MAGI2: variants seen among roughly 807,000 people sequenced by gnomAD.
The protein encoded by MAGI2 is membrane-associated guanylate kinase, WW and PDZ domain-containing protein 2.
A neutral mutation model predicts 133.3 loss-of-function variants in MAGI2; 35 were observed. The observed-to-expected ratio is 0.26, with a 90% CI of 0.20 to 0.35. The LOEUF (loss-of-function observed/expected upper bound fraction) is 0.35. Among genes scored for constraint, MAGI2 ranks in the 10% least tolerant of loss-of-function variants. The pLI is 1.00. For synonymous variants in MAGI2, 729 were observed against 710.6 expected, an observed-to-expected ratio of 1.03 and a Z score of -0.41; for missense variants, 1,636 against 1,863.4, an observed-to-expected ratio of 0.88 and a Z score of 2.25.
chr7:78,440,002 AT>A (rs1355822221), intron 6 of MAGI2, among the ~76,000 whole-genome samples: 9 of 151,858 alleles, frequency 5.9e-5, no homozygotes, highest in African/African-American at 1.9e-4. Flanking sequence ...ACGTATTTTT[AT>A]TTTTTTACTA....
intron 6 of MAGI2, chr7:78,486,174 G>C (rs1792982364): frequency 6.6e-6 from 1 of 152,084 alleles, no homozygotes; most frequent in Non-Finnish European, 1.5e-5. Flanking sequence ...ATAGATGTGA[G>C]AGATTTCAAA....
chr7:78,434,434 G>C lies in MAGI2; in HGVS notation c.1045+55327C>G, dbSNP rs540775653. On this transcript the variant is annotated intron_variant, in intron 6 of 21. Coordinates refer to ENST00000354212, the MANE Select transcript of MAGI2 (RefSeq NM_012301.4). ...GCTGGGATAACTTGCAACAGATAAA[G>C]AGATGGATGGAAACAGGGTAGGGGT... is the stretch of plus-strand genomic sequence containing the variant. 7.2e-5 allele frequency among the ~76,000 whole-genome samples: 11 copies of C among 152,320 alleles called. No individual in the cohort carries two copies. In the South Asian group the frequency reaches 1.7e-3, roughly 23 times the overall value.
At chr7:79,118,660 A>G (rs899659115) in intron 1 of MAGI2, among the ~76,000 whole-genome samples, 1 of 152,126 alleles carries the variant, frequency 6.6e-6, no homozygotes, top group African/African-American at 2.4e-5. Flanking sequence ...TTAAAATGAA[A>G]ATTCACTTTG....
chr7:78,776,354 T>C (rs1441828742), intron 2 of MAGI2, among the ~76,000 whole-genome samples: 2 of 152,212 alleles, frequency 1.3e-5, no homozygotes, highest in Non-Finnish European at 2.9e-5. Flanking sequence ...AAGCTACACT[T>C]ACTACTATTT....
intron 1 of MAGI2, among the ~76,000 whole-genome samples, chr7:79,231,398 C>A (rs1831363345): frequency 1.3e-5 from 1 of 74,722 alleles, no homozygotes; most frequent in Non-Finnish European, 3.4e-5. Context: ...TGGCCATTTT[C>A]ACGATATTGA....
intron 1 of MAGI2, among the ~76,000 whole-genome samples, chr7:79,202,385 G>C (rs7780216): frequency 0.074 from 11,247 of 151,770 alleles, 1,218 homozygotes; most frequent in African/African-American, 0.22. Context: ...CTAAGTATTT[G>C]TATAAACCTG....
At chr7:79,286,105 G>A (rs1203265854) in intron 1 of MAGI2, among the ~76,000 whole-genome samples, 1 of 152,010 alleles carries the variant, frequency 6.6e-6, no homozygotes, top group Admixed American at 6.6e-5. Flanking sequence ...GTAAGGAAAG[G>A]CTTCTAGAAG....
intron 6 of MAGI2, among the ~76,000 whole-genome samples, chr7:78,442,785 C>A (rs1020333778): frequency 1.3e-5 from 2 of 152,080 alleles, no homozygotes; most frequent in Non-Finnish European, 2.9e-5. Context: ...CATAACTGAG[C>A]ATTAAAACTA....
chr7:78,756,518 G>A (rs1040531088), intron 2 of MAGI2, among the ~76,000 whole-genome samples: 2 of 152,116 alleles, frequency 1.3e-5, no homozygotes, highest in African/African-American at 2.4e-5. Context: ...AGAATGAACC[G>A]ATTAGTGGGA....
intron 16 of MAGI2, among the ~76,000 whole-genome samples, chr7:78,154,973 T>G (rs1443441662): frequency 1.3e-5 from 2 of 152,194 alleles, no homozygotes; most frequent in Admixed American, 6.5e-5. Context: ...AACCTGTGCA[T>G]GCAGACCTCA....
chr7:78,923,430 G>A (rs1280843273), intron 2 of MAGI2, among the ~76,000 whole-genome samples: 1 of 152,098 alleles, frequency 6.6e-6, no homozygotes. Flanking sequence ...AGTTTTCCCA[G>A]CACCATTTAT....
chr7:78,428,999 G>T (rs1221939833), intron 6 of MAGI2, among the ~76,000 whole-genome samples: 1 of 152,128 alleles, frequency 6.6e-6, no homozygotes, highest in African/African-American at 2.4e-5. Flanking sequence ...AAAAGTTAGT[G>T]ACTAAAGTAC....
At chr7:78,660,965 A>G (rs985008712) in intron 2 of MAGI2, among the ~76,000 whole-genome samples, 1 of 152,132 alleles carries the variant, frequency 6.6e-6, no homozygotes, top group Non-Finnish European at 1.5e-5. Context: ...GGTTCTGAGA[A>G]TCTTGTTTCT....
intron 9 of MAGI2, among the ~76,000 whole-genome samples, chr7:78,280,568 T>C (rs1387459210): frequency 6.6e-6 from 1 of 152,156 alleles, no homozygotes; most frequent in Non-Finnish European, 1.5e-5. Context: ...ACATAGAATC[T>C]TGTTTAGTCC....
At chr7:78,830,498 A>G (rs530669882) in intron 2 of MAGI2, among the ~76,000 whole-genome samples, 67 of 152,124 alleles carry the variant, frequency 4.4e-4, no homozygotes, top group Non-Finnish European at 8.2e-4. Flanking sequence ...CATCCATTCT[A>G]TAATTTTGTT....
intron 2 of MAGI2, chr7:78,940,911 C>T (rs1800912324): frequency 6.6e-6 from 1 of 152,044 alleles, no homozygotes; most frequent in South Asian, 2.1e-4. Flanking sequence ...AAAGCTATTC[C>T]CTTTGGTTTT....
intron 18 of MAGI2, among the ~76,000 whole-genome samples, chr7:78,132,035 C>T (rs937507420): frequency 1.4e-4 from 22 of 152,124 alleles, no homozygotes; most frequent in East Asian, 1.4e-3. Flanking sequence ...CCACCACAAC[C>T]GGCTAACTTT....
intron 7 of MAGI2, among the ~76,000 whole-genome samples, chr7:78,367,996 A>G (rs1352859109): frequency 2.0e-5 from 3 of 152,186 alleles, no homozygotes; most frequent in Non-Finnish European, 4.4e-5. Context: ...GTGACACCAT[A>G]CATTAGATAC....
intron 1 of MAGI2, among the ~76,000 whole-genome samples, chr7:79,438,393 G>A (rs1848286362): frequency 6.6e-6 from 1 of 152,010 alleles, no homozygotes. Context: ...ATTGCTTTAA[G>A]TAAAATATCA....
Sources: gnomAD v4.1 joint callset for allele counts (sites outside exome capture counted in the v4.1 genomes callset) on GRCh38, gnomAD v4.1.1 for gene constraint, MANE v1.5 for transcripts, NCBI Gene and HGNC (gene_info 2026-07-23, HGNC 2026-07-21) for gene names.